CAPG: variants seen among roughly 807,000 people sequenced by gnomAD.
CAPG encodes the protein macrophage-capping protein.
A neutral mutation model predicts 44.6 loss-of-function variants in CAPG; 32 were observed. The observed-to-expected ratio is 0.72, with a 90% confidence interval of 0.54 to 0.96. The LOEUF is 0.96. Ranked by LOEUF, CAPG falls within the 50% of genes least tolerant of loss-of-function variation. CAPG has a pLI of 0.00. For missense variants in CAPG, 412 were observed against 438.3 expected, an observed-to-expected ratio of 0.94 and a Z score of 0.54; for synonymous variants, 175 against 179.6, an observed-to-expected ratio of 0.97 and a Z score of 0.20.
At chr2:85,404,065 A>G (rs1687032841) in intron 1 of CAPG, among the ~76,000 whole-genome samples, 1 of 152,084 alleles carries the variant, frequency 6.6e-6, no homozygotes, top group Non-Finnish European at 1.5e-5. Flanking sequence ...CAAGATAGCC[A>G]GAAGAGAGGA....
In CAPG at chr2:85,401,934, A is replaced by T. The variant is rs1331966578; in HGVS notation, c.47T>A (p.Val16Glu). Residue 16 changes from valine to glutamate, a missense_variant, in exon 3 of 10, where the codon GTG becomes GAG. Coordinates refer to ENST00000263867, the MANE Select transcript of CAPG (RefSeq NM_001747.4). ...PQSGSPFPGS[V>E]QDPGLHVWRV... ...CCACACATGCAGGCCTGGATCCTGC[A>T]CTGAGCCTGGGAATGGAGAGCCACT... The T allele has an allele frequency of 4.3e-6, 7 of 1,614,124 alleles. No individual in the cohort carries two copies. The highest frequency in any genetic ancestry group is 5.9e-6 in the Non-Finnish European group (7 of 1,180,020).
rs1378767379 is a variant in CAPG, at chr2:85,406,526, C to A, written c.-14+3791G>T. Among the ~76,000 whole-genome samples, 3 of 152,162 alleles carry A rather than the reference C, an allele frequency of 2.0e-5. No homozygotes were observed. The South Asian group carries it at 6.2e-4, about 32-fold the overall frequency. Reference sequence around the variant, plus strand: ...TTCCTCAACACCCTGCCCCCGCCGCCCCAGTGATGTCTGATCACTCTGGCC... The same window carrying A: ...TTCCTCAACACCCTGCCCCCGCCGCACCAGTGATGTCTGATCACTCTGGCC... On this transcript the variant is annotated intron_variant, in intron 1 of 9. Transcript: ENST00000263867.
At chr2:85,398,587 C>G in intron 7 of CAPG, 103 bp downstream of exon 7, 1 of 969,216 alleles carries the variant, frequency 1.0e-6, no homozygotes, top group Non-Finnish European at 1.6e-6. Flanking sequence ...CCAGCCCCAC[C>G]TTCCCCCTGC....
chr2:85,408,286 G>A (rs917515045), intron 1 of CAPG, among the ~76,000 whole-genome samples: 2 of 151,142 alleles, frequency 1.3e-5, no homozygotes, highest in African/African-American at 4.9e-5. Context: ...AGGTTGCAGT[G>A]AGCCGAGATG....
chr2:85,398,217 G>T, intron 7 of CAPG, 65 bp from the exon 8 acceptor site: 2 of 1,570,940 alleles, frequency 1.3e-6, no homozygotes, highest in Non-Finnish European at 1.7e-6. Flanking sequence ...AGCCTGAGGA[G>T]GGGGAGGCTG....
rs62162743 is a variant in CAPG at position 85,398,016 on chromosome 2, G to A, written c.892+4C>T. 1.1e-5 allele frequency: 17 copies of A among 1,613,384 alleles called. No homozygotes were observed. Among genetic ancestry groups the A allele is most frequent in the African/African-American group, 5.3e-5 (4 of 74,914 alleles). On this transcript the variant is annotated splice_donor_region_variant and intron_variant, in intron 8 of 9. Transcript: ENST00000263867. ...TCTCAGGCTGTTACAGAGGAGCCAC[G>A]TACCCTTCCAGATATAGATCTTGCC...
upstream of CAPG, among the ~76,000 whole-genome samples, chr2:85,414,536 C>G (rs1687508072): frequency 6.6e-6 from 1 of 151,776 alleles, no homozygotes; most frequent in African/African-American, 2.4e-5. Context: ...CTCAAGCAAT[C>G]CTCCAGCCTC....
At chr2:85,417,645 G>T (rs1273766766) in intron 1 of CAPG, among the ~76,000 whole-genome samples, 2 of 151,950 alleles carry the variant, frequency 1.3e-5, no homozygotes, top group African/African-American at 4.8e-5. Context: ...ACCACGCCCG[G>T]GTAATTTTTT....
chr2:85,402,284 C>G (rs1686940868), intron 1 of CAPG, 126 bp from the exon 2 acceptor site: 1 of 705,726 alleles, frequency 1.4e-6, no homozygotes, highest in African/African-American at 1.8e-5. Context: ...CCTCTAGGAG[C>G]CCTAGTTCCA....
chr2:85,413,798 T>G (rs967802379), upstream of CAPG: 9 of 152,212 alleles, frequency 5.9e-5, no homozygotes, highest in Non-Finnish European at 1.3e-4. Context: ...AAGTATTTCT[T>G]TAGCACGGAC....
chr2:85,399,008 G>A, intron 6 of CAPG, 128 bp downstream of exon 6: 1 of 1,113,282 alleles, frequency 9.0e-7, no homozygotes, highest in Non-Finnish European at 1.3e-6. Context: ...GCTGGCCACA[G>A]CCCTAGGCAG....
intron 1 of CAPG, among the ~76,000 whole-genome samples, chr2:85,417,578 G>A (rs919361691): frequency 2.7e-5 from 4 of 150,256 alleles, no homozygotes; most frequent in Non-Finnish European, 5.9e-5. Context: ...CGCCTCCTGA[G>A]TTCAAGCAAT....
chr2:85,417,909 C>A (rs1687602539), intron 1 of CAPG, among the ~76,000 whole-genome samples: 1 of 152,180 alleles, frequency 6.6e-6, no homozygotes, highest in African/African-American at 2.4e-5. Flanking sequence ...AAACACCCCT[C>A]CTCCTCACCC....
intron 5 of CAPG, among the ~76,000 whole-genome samples, chr2:85,399,719 G>C (rs1686788063): frequency 6.6e-6 from 1 of 151,612 alleles, no homozygotes; most frequent in South Asian, 2.1e-4. Flanking sequence ...CAAACCGCTG[G>C]GCTCAAGCCT....
chr2:85,398,031 T>C lies in CAPG; in HGVS notation c.881A>G (p.Tyr294Cys), dbSNP rs1686686614. The C allele has an allele frequency of 1.5e-5, 25 of 1,614,008 alleles. No homozygotes were observed. Among genetic ancestry groups the C allele is most frequent in the Non-Finnish European group, 2.1e-5 (25 of 1,179,964 alleles). The change falls in exon 8 of 10, where the codon TAT (tyrosine) becomes TGT (cysteine). Residue 294 changes from tyrosine to cysteine, a missense_variant. Transcript: ENST00000263867. ...GAGGAGCCACGTACCCTTCCAGATA[T>C]AGATCTTGCCACAGAGCCCGTTGTC... The part of the protein sequence containing the change: ...VLDNGLCGKI[Y>C]IWKGRKANEK...
intron 1 of CAPG, among the ~76,000 whole-genome samples, chr2:85,402,758 G>T (rs1177942570): frequency 1.3e-5 from 2 of 149,826 alleles, no homozygotes; most frequent in African/African-American, 4.9e-5. Flanking sequence ...GAGCCACCAT[G>T]CCTGGCCTCA....
chr2:85,401,456 T>C, intron 4 of CAPG, 73 bp downstream of exon 4: 1 of 1,594,534 alleles, frequency 6.3e-7, no homozygotes, highest in Non-Finnish European at 8.6e-7. Flanking sequence ...TTCTGCAGGG[T>C]GAGAACCAGC....
At chr2:85,404,867 T>C (rs374086037) in intron 1 of CAPG, among the ~76,000 whole-genome samples, 6 of 150,186 alleles carry the variant, frequency 4.0e-5, no homozygotes, top group African/African-American at 9.8e-5. Flanking sequence ...GCCCAGGAGA[T>C]AGAGGCTGCA....
chr2:85,395,535 C>T lies in CAPG; in HGVS notation c.981+3G>A, dbSNP rs1191352864. The T allele has an allele frequency of 6.2e-7, 1 of 1,612,566 alleles. No individual in the cohort carries two copies. Among genetic ancestry groups the T allele is most frequent in the East Asian group, 2.2e-5 (1 of 44,836 alleles). ...AGGGCTGTGGTTGTGCGCATCTCCTCACCTGAGTGTTCGGGGCGTACTGCA... is the reference window on the plus strand; with the variant it reads ...AGGGCTGTGGTTGTGCGCATCTCCTTACCTGAGTGTTCGGGGCGTACTGCA... On this transcript the variant is annotated splice_donor_region_variant and intron_variant, in intron 9 of 9. Coordinates refer to ENST00000263867, the MANE Select transcript of CAPG (RefSeq NM_001747.4). This position sits in a 1 kb window ranked among gnomAD's most constrained non-coding sequence, Gnocchi z 4.3.
Sources: allele counts gnomAD v4.1 joint callset (sites outside exome capture counted in the v4.1 genomes callset), GRCh38; gene constraint gnomAD v4.1.1; non-coding constraint Gnocchi (gnomAD v3.1); transcripts MANE v1.5; gene names NCBI Gene and HGNC (gene_info 2026-07-23, HGNC 2026-07-21).